PRKN: variants seen among roughly 807,000 people sequenced by gnomAD.
PRKN encodes the protein E3 ubiquitin-protein ligase parkin.
Under a neutral mutation model 59.5 loss-of-function variants are expected in PRKN, and 56 were observed. The observed-to-expected ratio is 0.94, with a 90% CI of 0.76 to 1.18. The LOEUF (loss-of-function observed/expected upper bound fraction) is 1.18. Ranked by LOEUF, PRKN falls within the 50% of genes most tolerant of loss-of-function variation. The pLI, the probability that PRKN is intolerant of heterozygous loss-of-function variation, is 0.00. For synonymous variants in PRKN, 250 were observed against 222.1 expected, an observed-to-expected ratio of 1.13 and a Z score of -1.12; for missense variants, 657 against 596.4, an observed-to-expected ratio of 1.10 and a Z score of -1.06.
At chr6:162,506,052 A>G (rs1793592939) in intron 1 of PRKN, among the ~76,000 whole-genome samples, 1 of 152,110 alleles carries the variant, frequency 6.6e-6, no homozygotes, top group African/African-American at 2.4e-5. Flanking sequence ...TTGATCCTCC[A>G]TTTGGTGCTG....
At chr6:161,691,693 C>T (rs1449238775) in intron 7 of PRKN, among the ~76,000 whole-genome samples, 1 of 152,112 alleles carries the variant, frequency 6.6e-6, no homozygotes, top group Non-Finnish European at 1.5e-5. Flanking sequence ...CAACAAAAAG[C>T]ACAAAAATGT....
Position 161,552,251 on chromosome 6 carries a change from C to T in PRKN, c.934-3248G>A, listed in dbSNP as rs879515894. 1.3e-5 allele frequency among the ~76,000 whole-genome samples: 2 copies of T among 151,766 alleles called. No individual in the cohort carries two copies. The highest frequency in any genetic ancestry group is 2.9e-5 in the Non-Finnish European group (2 of 68,030). On this transcript the variant is annotated intron_variant, in intron 8 of 11. Coordinates refer to ENST00000366898, the MANE Select transcript of PRKN (RefSeq NM_004562.3). This position sits in a 1 kb window ranked among gnomAD's most constrained non-coding sequence, Gnocchi z 4.9. ...TTGTAAAAGGAAGCGGGACATCTCTCGATCACCTCTGCCTATGACTGTGAA... is the reference window on the plus strand; with the variant it reads ...TTGTAAAAGGAAGCGGGACATCTCTTGATCACCTCTGCCTATGACTGTGAA...
intron 1 of PRKN, among the ~76,000 whole-genome samples, chr6:162,465,984 C>A (rs944744759): frequency 6.6e-5 from 10 of 152,036 alleles, no homozygotes; most frequent in Admixed American, 6.6e-4. Context: ...TTTCTTAAGA[C>A]GACAACTCCA....
chr6:161,916,623 T>C (rs1048231143), intron 6 of PRKN, among the ~76,000 whole-genome samples: 2 of 152,166 alleles, frequency 1.3e-5, no homozygotes, highest in Admixed American at 6.5e-5. Flanking sequence ...CTTTACTTAC[T>C]ATTTATTCTC....
At chr6:161,443,757 G>A (rs1789361021) in intron 9 of PRKN, among the ~76,000 whole-genome samples, 1 of 152,170 alleles carries the variant, frequency 6.6e-6, no homozygotes, top group South Asian at 2.1e-4. Flanking sequence ...AGAAACAAGT[G>A]TGCTTCAGCT....
chr6:161,884,221 C>T (rs1030194393), intron 6 of PRKN, among the ~76,000 whole-genome samples: 1 of 152,066 alleles, frequency 6.6e-6, no homozygotes, highest in Admixed American at 6.6e-5. Context: ...AGAAACAGCT[C>T]ATGTTTTTAT....
intron 3 of PRKN, among the ~76,000 whole-genome samples, chr6:162,249,016 C>T (rs891808941): frequency 6.6e-6 from 1 of 151,778 alleles, no homozygotes; most frequent in Non-Finnish European, 1.5e-5. Context: ...GTACCTGGGA[C>T]TACAGGTGCA....
chr6:162,529,310 T>A (rs568124083), intron 1 of PRKN, among the ~76,000 whole-genome samples: 2 of 152,314 alleles, frequency 1.3e-5, no homozygotes, highest in East Asian at 3.9e-4. Context: ...ATTTAAAATA[T>A]CCTTACACCT....
chr6:162,718,317 A>G lies in PRKN; in HGVS notation c.7+9345T>C, dbSNP rs112043213. Among the ~76,000 whole-genome samples, 783 of 152,328 alleles carry G rather than the reference A, an allele frequency of 5.1e-3. 7 individuals are homozygous for G. Among genetic ancestry groups the G allele is most frequent in the African/African-American group, 0.017 (715 of 41,566 alleles). Reference sequence around the variant, plus strand: ...AGCATAAGATGATTAAATTGGCTGCAAAAGCCAGAAGGGACTTTTAATGAA... The same window carrying G: ...AGCATAAGATGATTAAATTGGCTGCGAAAGCCAGAAGGGACTTTTAATGAA... On this transcript the variant is annotated intron_variant, in intron 1 of 11. Transcript: ENST00000366898.
At chr6:161,899,732 A>G (rs1777810969) in intron 6 of PRKN, among the ~76,000 whole-genome samples, 2 of 152,194 alleles carry the variant, frequency 1.3e-5, no homozygotes. Flanking sequence ...ATTTTTCTCC[A>G]GTCATCTACA....
At chr6:162,459,349 T>C (rs1457753840) in intron 1 of PRKN, among the ~76,000 whole-genome samples, 1 of 152,098 alleles carries the variant, frequency 6.6e-6, no homozygotes, top group Non-Finnish European at 1.5e-5. Flanking sequence ...ATGGTACTAA[T>C]ATTAGTACAA....
intron 4 of PRKN, among the ~76,000 whole-genome samples, chr6:162,082,259 G>A (rs912368669): frequency 4.6e-5 from 7 of 151,988 alleles, no homozygotes; most frequent in South Asian, 2.1e-4. Flanking sequence ...TCTTCTCGTC[G>A]GGCACCATGT....
Position 161,935,573 on chromosome 6 carries a change from AAG to A in PRKN, c.734+37727_734+37728del, listed in dbSNP as rs1320176877. Among the ~76,000 whole-genome samples the A allele has an allele frequency of 3.1e-3, 427 of 137,318 alleles. 1 individual carries two copies. Among genetic ancestry groups the A allele is most frequent in the African/African-American group, 0.011 (407 of 37,692 alleles). 90.1% of individuals were successfully genotyped at this position (137,318 alleles called of 152,430 possible). On this transcript the variant is annotated intron_variant, in intron 6 of 11. Coordinates refer to ENST00000366898, the MANE Select transcript of PRKN (RefSeq NM_004562.3). ...TGTTTCCAAAAAAAAAAAAAAAAAG[AAG>A]AAGAAGAAGAAGGATAAGACGTGAG...
chr6:161,520,065 T>C (rs932169730), intron 9 of PRKN, among the ~76,000 whole-genome samples: 19 of 152,098 alleles, frequency 1.2e-4, no homozygotes, highest in Admixed American at 6.5e-5. Flanking sequence ...CCAGTAGAGA[T>C]TGTCTGTGGT....
rs949378156 is a variant in PRKN, at chr6:161,584,931, T to C, written c.872-15515A>G. Among the ~76,000 whole-genome samples, 5 of 152,326 alleles carry C rather than the reference T, an allele frequency of 3.3e-5. No homozygotes were observed. Among genetic ancestry groups the C allele is most frequent in the Admixed American group, 1.3e-4 (2 of 15,306 alleles). The stretch of plus-strand genomic sequence containing the variant: ...GTATTAGCAATGCAGTGCTATTTCA[T>C]AAAGAATGCATTGCTTCAGATCTGT... On this transcript the variant is annotated intron_variant, in intron 7 of 11. Coordinates refer to ENST00000366898, the MANE Select transcript of PRKN (RefSeq NM_004562.3). The surrounding 1 kb of genome is among the most constrained non-coding windows in gnomAD (Gnocchi z 4.8).
chr6:162,474,877 T>C (rs1470662163), intron 1 of PRKN, among the ~76,000 whole-genome samples: 1 of 152,136 alleles, frequency 6.6e-6, no homozygotes, highest in Admixed American at 6.5e-5. Flanking sequence ...AAGTCCGATG[T>C]AGCAAAAGGA....
At position 161,463,229 on chromosome 6, in the gene PRKN, C is replaced by T. The variant is rs1253216230; in HGVS notation, c.1084-76352G>A. 1.3e-5 allele frequency among the ~76,000 whole-genome samples: 2 copies of T among 152,150 alleles called. No individual in the cohort carries two copies. Among genetic ancestry groups the T allele is most frequent in the African/African-American group, 4.8e-5 (2 of 41,434 alleles). On this transcript the variant is annotated intron_variant, in intron 9 of 11. Transcript: ENST00000366898. The surrounding 1 kb of genome is among the most constrained non-coding windows in gnomAD (Gnocchi z 4.8). ...AGCACGGCCTCTGGAAGGTGACTGC[C>T]AGGTCAGCTTCACTGTCAGCTGGTG... is the stretch of plus-strand genomic sequence containing the variant.
chr6:162,145,955 A>G (rs768157058), intron 4 of PRKN, among the ~76,000 whole-genome samples: 16 of 152,238 alleles, frequency 1.1e-4, no homozygotes, highest in Non-Finnish European at 1.5e-4. Context: ...AAGTGAAGAT[A>G]CAAAGTGACA....
chr6:162,315,713 T>C (rs1447766771), intron 2 of PRKN, among the ~76,000 whole-genome samples: 3 of 152,190 alleles, frequency 2.0e-5, no homozygotes, highest in Non-Finnish European at 2.9e-5. Flanking sequence ...CATAAGTCTT[T>C]TTTGGAAATG....
Sources: gnomAD v4.1 joint callset for allele counts (sites outside exome capture counted in the v4.1 genomes callset) on GRCh38, gnomAD v4.1.1 for gene constraint, Gnocchi (gnomAD v3.1) non-coding constraint, MANE v1.5 for transcripts, NCBI Gene and HGNC (gene_info 2026-07-23, HGNC 2026-07-21) for gene names.